The following FBXL7 variants were observed in gnomAD, a reference collection of about 807,000 sequenced individuals.
FBXL7 encodes the protein F-box/LRR-repeat protein 7.
In FBXL7, 12 loss-of-function variants were observed where a neutral mutation model predicts 38.3. The observed-to-expected ratio is 0.31, with a 90% CI of 0.20 to 0.51. FBXL7 has a LOEUF of 0.51. Among genes scored for constraint, FBXL7 ranks in the 20% least tolerant of loss-of-function variants. FBXL7 has a pLI of 0.98. For missense variants in FBXL7, 567 were observed against 676.4 expected (o/e 0.84, Z 1.79); for synonymous variants, 297 against 300.9 (o/e 0.99, Z 0.13).
At chr5:15,875,829 T>G (rs1261076163) in intron 2 of FBXL7, among the ~76,000 whole-genome samples, 1 of 152,220 alleles carries the variant, frequency 6.6e-6, no homozygotes, top group East Asian at 1.9e-4. Context: ...TCAACCATTG[T>G]GGAAGACAGT....
intron 2 of FBXL7, among the ~76,000 whole-genome samples, chr5:15,670,878 C>T (rs1426494953): frequency 6.6e-6 from 1 of 152,056 alleles, no homozygotes. Flanking sequence ...CCTCTTTACA[C>T]ACTCACAGCC....
chr5:15,718,285 C>A (rs1021449552), intron 2 of FBXL7, among the ~76,000 whole-genome samples: 11 of 152,020 alleles, frequency 7.2e-5, no homozygotes, highest in African/African-American at 2.4e-4. Context: ...GTAGGTTTGA[C>A]GTTTTTCAAA....
At chr5:15,518,877 AT>A in intron 1 of FBXL7, among the ~76,000 whole-genome samples, 1 of 152,176 alleles carries the variant, frequency 6.6e-6, no homozygotes, top group South Asian at 2.1e-4. Context: ...GCTTGCACAT[AT>A]TTATTAATCT....
chr5:15,762,904 G>C (rs1047577031), intron 2 of FBXL7, among the ~76,000 whole-genome samples: 1 of 152,146 alleles, frequency 6.6e-6, no homozygotes, highest in South Asian at 2.1e-4. Context: ...ATTGCTTTAT[G>C]CTGATATACA....
intron 2 of FBXL7, among the ~76,000 whole-genome samples, chr5:15,793,708 A>G (rs1300194222): frequency 6.6e-6 from 1 of 152,144 alleles, no homozygotes; most frequent in Non-Finnish European, 1.5e-5. Flanking sequence ...CTGATTTCTT[A>G]TGATAATAAT....
intron 2 of FBXL7, among the ~76,000 whole-genome samples, chr5:15,687,796 C>A (rs1356497867): frequency 1.3e-5 from 2 of 152,146 alleles, no homozygotes; most frequent in African/African-American, 2.4e-5. Flanking sequence ...GTCTAGCACC[C>A]GTGTCTATGT....
chr5:15,559,650 G>A (rs930273141), intron 1 of FBXL7, among the ~76,000 whole-genome samples: 2 of 152,144 alleles, frequency 1.3e-5, no homozygotes, highest in Non-Finnish European at 2.9e-5. Context: ...CCTAATAGGT[G>A]AGAATATACC....
chr5:15,574,280 G>A (rs1322229947), intron 1 of FBXL7, among the ~76,000 whole-genome samples: 2 of 152,158 alleles, frequency 1.3e-5, no homozygotes, highest in African/African-American at 4.8e-5. Flanking sequence ...CACTGTAAAA[G>A]TGCAGATAGA....
intron 2 of FBXL7, among the ~76,000 whole-genome samples, chr5:15,783,680 A>G (rs2126723631): frequency 6.6e-6 from 1 of 152,316 alleles, no homozygotes; most frequent in Non-Finnish European, 1.5e-5. Flanking sequence ...AGAGGGCTGT[A>G]GAGGAATGAG....
At chr5:15,571,106 A>G (rs993856071) in intron 1 of FBXL7, among the ~76,000 whole-genome samples, 36 of 148,424 alleles carry the variant, frequency 2.4e-4, no homozygotes, top group East Asian at 7.7e-4. Flanking sequence ...AAAAAAAAAA[A>G]AAAAGAAAAA....
chr5:15,808,608 T>A (rs191653930), intron 2 of FBXL7, among the ~76,000 whole-genome samples: 1 of 152,312 alleles, frequency 6.6e-6, no homozygotes. Flanking sequence ...ACCAAACACA[T>A]AAAGATCACA....
chr5:15,836,768 G>A (rs1738603732), intron 2 of FBXL7, among the ~76,000 whole-genome samples: 1 of 152,180 alleles, frequency 6.6e-6, no homozygotes, highest in Non-Finnish European at 1.5e-5. Flanking sequence ...AGGGTAATGT[G>A]ACTGGCCTGT....
chr5:15,756,327 A>G (rs1736295805), intron 2 of FBXL7, among the ~76,000 whole-genome samples: 1 of 152,134 alleles, frequency 6.6e-6, no homozygotes, highest in South Asian at 2.1e-4. Flanking sequence ...TTTACTCTCC[A>G]TATTTCTTTC....
intron 2 of FBXL7, among the ~76,000 whole-genome samples, chr5:15,653,073 C>T (rs540799420): frequency 5.9e-5 from 9 of 152,228 alleles, no homozygotes; most frequent in Non-Finnish European, 1.3e-4. Context: ...TGATGAAGTT[C>T]GCCATCTTAT....
intron 1 of FBXL7, among the ~76,000 whole-genome samples, chr5:15,520,429 GA>G (rs1737066273): frequency 6.6e-6 from 1 of 152,168 alleles, no homozygotes; most frequent in South Asian, 2.1e-4. Context: ...TCATTGTTCT[GA>G]GAGCCCTCAA....
intron 1 of FBXL7, among the ~76,000 whole-genome samples, chr5:15,591,155 C>T (rs555925779): frequency 9.9e-5 from 15 of 151,520 alleles, no homozygotes; most frequent in South Asian, 4.2e-4. Flanking sequence ...TTAGGCCAGG[C>T]GCAGTGGCTC....
chr5:15,679,943 C>G lies in FBXL7; in HGVS notation c.127+63871C>G, dbSNP rs141359949. On this transcript the variant is annotated intron_variant, in intron 2 of 3. Coordinates refer to ENST00000504595, the MANE Select transcript of FBXL7 (RefSeq NM_012304.5). ...AGAGGCAAAGGAGGTAGGTTTATTT[C>G]CATTTCATAAACATTTGGCCAAATT... 1.9e-3 allele frequency among the ~76,000 whole-genome samples: 294 copies of G among 152,262 alleles called. 2 individuals are homozygous for G. The highest frequency in any genetic ancestry group is 6.6e-3 in the African/African-American group (273 of 41,542).
At chr5:15,536,216 C>T (rs1396269187) in intron 1 of FBXL7, among the ~76,000 whole-genome samples, 1 of 152,264 alleles carries the variant, frequency 6.6e-6, no homozygotes, top group Non-Finnish European at 1.5e-5. Context: ...CACGGAGAGC[C>T]TCTGCTGGGG....
At chr5:15,703,497 C>G (rs2126635258) in intron 2 of FBXL7, among the ~76,000 whole-genome samples, 1 of 152,162 alleles carries the variant, frequency 6.6e-6, no homozygotes, top group South Asian at 2.1e-4. Flanking sequence ...GCTAATGAAG[C>G]AAAAATATTG....
Sources: allele counts gnomAD v4.1 joint callset (sites outside exome capture counted in the v4.1 genomes callset), GRCh38; gene constraint gnomAD v4.1.1; transcripts MANE v1.5; gene names NCBI Gene and HGNC (gene_info 2026-07-23, HGNC 2026-07-21).